Variants in DACH1 observed in about 807,000 individuals in gnomAD.
The protein encoded by DACH1 is dachshund family transcription factor 1, also known as dachshund homolog 1.
In DACH1, 12 loss-of-function variants were observed where a neutral mutation model predicts 54.2. The ratio of observed to expected loss-of-function variants is 0.22; its 90% CI spans 0.14 to 0.36. The LOEUF is 0.36. Ranked by LOEUF, DACH1 falls within the 10% of genes least tolerant of loss-of-function variation. The pLI is 1.00. For missense variants in DACH1, 805 were observed against 929.8 expected, an observed-to-expected ratio of 0.87 and a Z score of 1.75; for synonymous variants, 386 against 366.2, an observed-to-expected ratio of 1.05 and a Z score of -0.62.
At chr13:71,514,380 C>G (rs187307132) in intron 6 of DACH1, among the ~76,000 whole-genome samples, 2 of 151,716 alleles carry the variant, frequency 1.3e-5, no homozygotes, top group East Asian at 3.9e-4. Context: ...AATTAAGAAA[C>G]CCTCAGAACT....
At chr13:71,783,024 A>G (rs890690154) in intron 1 of DACH1, among the ~76,000 whole-genome samples, 1 of 152,216 alleles carries the variant, frequency 6.6e-6, no homozygotes, top group African/African-American at 2.4e-5. Context: ...AGGATCAATA[A>G]TAAGAAACTG....
At chr13:71,696,744 A>G (rs954487548) in intron 1 of DACH1, among the ~76,000 whole-genome samples, 1 of 152,030 alleles carries the variant, frequency 6.6e-6, no homozygotes, top group African/African-American at 2.4e-5. Flanking sequence ...ACAGGGATTC[A>G]CTATGTTGGT....
chr13:71,524,890 G>C (rs908941623), intron 6 of DACH1, among the ~76,000 whole-genome samples: 3 of 152,074 alleles, frequency 2.0e-5, no homozygotes, highest in Non-Finnish European at 4.4e-5. Flanking sequence ...ACAGTCACTG[G>C]TCCGTGTTTC....
intron 1 of DACH1, among the ~76,000 whole-genome samples, chr13:71,754,711 G>A (rs1041818158): frequency 7.9e-5 from 12 of 151,540 alleles, no homozygotes; most frequent in Non-Finnish European, 1.5e-4. Flanking sequence ...GATAAATGTA[G>A]GCCAAATTAT....
intron 7 of DACH1, among the ~76,000 whole-genome samples, chr13:71,485,061 TAA>T (rs1226204241): frequency 2.1e-5 from 3 of 141,798 alleles, no homozygotes; most frequent in Admixed American, 7.1e-5. Context: ...GTCTTAAATT[TAA>T]AAAAAAAAAA....
intron 1 of DACH1, among the ~76,000 whole-genome samples, chr13:71,694,804 G>A (rs957284016): frequency 1.1e-4 from 17 of 152,064 alleles, no homozygotes; most frequent in African/African-American, 2.7e-4. Flanking sequence ...CCTTAAAAGC[G>A]TTGTTTAAAC....
At chr13:71,723,344 G>A (rs1288791653) in intron 1 of DACH1, among the ~76,000 whole-genome samples, 1 of 152,070 alleles carries the variant, frequency 6.6e-6, no homozygotes. Flanking sequence ...ACCCCAGAAG[G>A]TTGAGGCTGC....
intron 3 of DACH1, among the ~76,000 whole-genome samples, chr13:71,618,753 A>G (rs1205440124): frequency 6.6e-6 from 1 of 151,932 alleles, no homozygotes; most frequent in Non-Finnish European, 1.5e-5. Flanking sequence ...GTTGATTTTA[A>G]AAAATACTTT....
rs1874742221 is a variant in DACH1, at chr13:71,866,183, G to C, written c.587C>G (p.Ala196Gly). 1.2e-6 allele frequency: 2 copies of C among 1,612,778 alleles called. No individual in the cohort carries two copies. The highest frequency in any genetic ancestry group is 1.7e-6 in the Non-Finnish European group (2 of 1,179,434). ...NECKMVDLRG[A>G]KVASFTVEGC... ...CTCCACCGTGAAGGAAGCCACTTTG[G>C]CCCCCCTCAGATCCACCATTTTGCA... Residue 196 changes from alanine (A) to glycine (G), a missense_variant, in exon 1 of 11, where the codon GCC (alanine) becomes GGC (glycine). Coordinates refer to ENST00000613252, the MANE Select transcript of DACH1 (RefSeq NM_080759.6).
intron 1 of DACH1, 43 bp downstream of exon 1, chr13:71,865,879 T>G: frequency 6.5e-7 from 1 of 1,533,080 alleles, no homozygotes. Context: ...AGCAGGCTGG[T>G]GGGAAGGGGC....
rs573581614 is a variant in DACH1, at chr13:71,664,357, A to G, written c.964+17438T>C. Among the ~76,000 whole-genome samples the G allele has an allele frequency of 4.3e-4, 66 of 152,152 alleles. 1 individual carries two copies. The East Asian group carries it at 9.2e-3, about 21-fold the overall frequency. ...AGACTAAACTTTTTGTGAATTTAAGAAACAACCTGTTCTTTTGGAAAACAG... is the reference window on the plus strand; with the variant it reads ...AGACTAAACTTTTTGTGAATTTAAGGAACAACCTGTTCTTTTGGAAAACAG... On this transcript the variant is annotated intron_variant, in intron 2 of 10. Coordinates refer to ENST00000613252, the MANE Select transcript of DACH1 (RefSeq NM_080759.6).
At chr13:71,596,550 G>C (rs1004220993) in intron 3 of DACH1, among the ~76,000 whole-genome samples, 4 of 152,208 alleles carry the variant, frequency 2.6e-5, no homozygotes, top group African/African-American at 4.8e-5. Context: ...TATAAACAAA[G>C]AGATGGATAA....
At chr13:71,479,564 C>A (rs1877860369) in intron 7 of DACH1, among the ~76,000 whole-genome samples, 1 of 152,134 alleles carries the variant, frequency 6.6e-6, no homozygotes, top group Non-Finnish European at 1.5e-5. Flanking sequence ...TATCTAGATC[C>A]AAAGCTAAGT....
intron 1 of DACH1, among the ~76,000 whole-genome samples, chr13:71,686,564 T>G (rs1339351311): frequency 2.6e-5 from 4 of 152,226 alleles, no homozygotes; most frequent in Non-Finnish European, 5.9e-5. Flanking sequence ...TAGTAATTAA[T>G]AAGAAGCTTA....
At chr13:71,688,361 C>G (rs1054882700) in intron 1 of DACH1, among the ~76,000 whole-genome samples, 8 of 152,090 alleles carry the variant, frequency 5.3e-5, no homozygotes, top group African/African-American at 1.9e-4. Flanking sequence ...TGAACTTTTC[C>G]TTTTTTCAGT....
At chr13:71,668,758 C>G (rs1880029365) in intron 2 of DACH1, among the ~76,000 whole-genome samples, 1 of 152,002 alleles carries the variant, frequency 6.6e-6, no homozygotes, top group Admixed American at 6.6e-5. Context: ...AACCCTGTCT[C>G]TACTAAAAAT....
chr13:71,458,520 A>G (rs1875787848), intron 10 of DACH1, among the ~76,000 whole-genome samples: 1 of 151,882 alleles, frequency 6.6e-6, no homozygotes, highest in Non-Finnish European at 1.5e-5. Context: ...AAAAAATATC[A>G]AAATTTCTAA....
chr13:71,865,928 T>G lies in DACH1; in HGVS notation c.842A>C (p.Asn281Thr), dbSNP rs796286924. 6.2e-7 allele frequency: 1 copy of G among 1,605,542 alleles called. No individual in the cohort carries two copies. The highest frequency in any genetic ancestry group is 8.5e-7 in the Non-Finnish European group (1 of 1,175,520). ...GCTATCCCCCCCGACTCACCTTGCG[T>G]TGGTGCAGTCATTGTAGAGGGTCTC... is the stretch of plus-strand genomic sequence containing the variant. ...DFETLYNDCT[N>T]ASSRPGRPPK... is the part of the protein sequence containing the mutation. Residue 281 changes from asparagine (N) to threonine (T), a missense_variant, in exon 1 of 11, where the codon AAC (asparagine) becomes ACC (threonine). This residue lies in a region of DACH1 where 472 missense variants were observed against 545.3 expected (regional missense o/e 0.87). Transcript: ENST00000613252.
At chr13:71,628,066 A>G (rs1280077298) in intron 3 of DACH1, among the ~76,000 whole-genome samples, 1 of 152,062 alleles carries the variant, frequency 6.6e-6, no homozygotes, top group East Asian at 1.9e-4. Flanking sequence ...TATTTATGCC[A>G]TTTTTCAGAT....
Sources: allele counts gnomAD v4.1 joint callset (sites outside exome capture counted in the v4.1 genomes callset), GRCh38; gene constraint gnomAD v4.1.1; regional missense constraint gnomAD v4.1.1; transcripts MANE v1.5; gene names NCBI Gene and HGNC (gene_info 2026-07-23, HGNC 2026-07-21).